Variants in MMD2 observed in about 807,000 individuals in gnomAD.
MMD2 encodes monocyte to macrophage differentiation factor 2.
MMD2 carries 30 observed loss-of-function variants against 33.5 expected under a neutral mutation model. The observed-to-expected ratio is 0.90, with a 90% CI of 0.67 to 1.22. MMD2 has a LOEUF of 1.22. MMD2 is among the 50% of genes most tolerant of loss of function. The probability of loss-of-function intolerance (pLI) is 0.00; values close to 1 mark genes in which losing one functional copy is unlikely to be tolerated. For synonymous variants in MMD2, 129 were observed against 123.0 expected, an observed-to-expected ratio of 1.05 and a Z score of -0.32; for missense variants, 364 against 325.4, an observed-to-expected ratio of 1.12 and a Z score of -0.91.
chr7:4,922,574 A>G (rs1262040118), intron 2 of MMD2, among the ~76,000 whole-genome samples: 1 of 152,094 alleles, frequency 6.6e-6, no homozygotes, highest in African/African-American at 2.4e-5. Context: ...ATTTTAAAAT[A>G]TATATACATT....
intron 1 of MMD2, among the ~76,000 whole-genome samples, chr7:4,951,008 C>T (rs1195996171): frequency 2.0e-5 from 3 of 152,014 alleles, no homozygotes; most frequent in Non-Finnish European, 2.9e-5. Context: ...CCACAGCGCC[C>T]GGCCTAAATT....
At chr7:4,912,851 G>C (rs1157586299) in intron 4 of MMD2, among the ~76,000 whole-genome samples, 4 of 151,878 alleles carry the variant, frequency 2.6e-5, no homozygotes, top group African/African-American at 9.7e-5. Context: ...GATTACAGGC[G>C]TACCACCATG....
intron 1 of MMD2, among the ~76,000 whole-genome samples, chr7:4,955,847 G>C (rs935698080): frequency 6.6e-6 from 1 of 152,178 alleles, no homozygotes; most frequent in Admixed American, 6.5e-5. Context: ...GAGGTCAGGA[G>C]TTCGAGACCA....
chr7:4,911,091 G>A lies in MMD2; in HGVS notation c.467+54C>T, dbSNP rs1784994242. Reference sequence around the variant, plus strand: ...CTCGGCAGCCCAGGAGTGCTGGGGAGGCCAGAGCATCTAAGGGAATCCCGC... The same window carrying A: ...CTCGGCAGCCCAGGAGTGCTGGGGAAGCCAGAGCATCTAAGGGAATCCCGC... On this transcript the variant is annotated intron_variant, in intron 5 of 6. Coordinates refer to ENST00000401401, the MANE Select transcript of MMD2 (RefSeq NM_198403.4). 2.8e-6 allele frequency: 4 copies of A among 1,430,488 alleles called. No homozygotes were observed. The Admixed American group carries it at 7.9e-5, about 28-fold the overall frequency. The allele number at this position is 1,430,488 out of a possible 1,614,324, so 88.6% of individuals were successfully genotyped here.
Position 4,909,950 on chromosome 7 carries a change from C to A in MMD2, c.468G>T (p.Arg156=), listed in dbSNP as rs760061850. Reference sequence around the variant, plus strand: ...AGCAGAGAAGCTCCACAAGCTTGTACCTGGCAGGAAGACAAGCCGTGCCGG... The same window carrying A: ...AGCAGAGAAGCTCCACAAGCTTGTAACTGGCAGGAAGACAAGCCGTGCCGG... ...GTIYVFFFHE[R]YKLVELLCYV... The change falls in exon 6 of 7, where the codon CGG becomes CGT. Residue 156 remains arginine, a splice_region_variant and synonymous_variant. Transcript: ENST00000401401. 1 of 1,613,928 alleles carries A rather than the reference C, an allele frequency of 6.2e-7. No homozygotes were observed. Among genetic ancestry groups the A allele is most frequent in the Non-Finnish European group, 8.5e-7 (1 of 1,179,896 alleles).
At position 4,920,321 on chromosome 7, in the gene MMD2, A is replaced by G; in HGVS notation, c.140T>C (p.Ile47Thr). ...GTTGGAGCTGCCCAGGATGCTGGGG[A>G]TGATCCAGAACTGGAGGGGCAGGGA... Reference protein sequence around the residue: ...ANCATHAFWIIPSILGSSNLY... With the variant: ...ANCATHAFWITPSILGSSNLY... The change falls in exon 3 of 7, where the codon ATC becomes ACC. Residue 47 changes from isoleucine (I) to threonine (T), a missense_variant. Ile to Thr is a moderately conservative substitution (Grantham distance 89, BLOSUM62 -1). Transcript: ENST00000401401. 5 of 1,608,322 alleles carry G rather than the reference A, an allele frequency of 3.1e-6. No individual in the cohort carries two copies. The highest frequency in any genetic ancestry group is 4.2e-6 in the Non-Finnish European group (5 of 1,177,766).
chr7:4,927,147 T>G (rs983256873), intron 1 of MMD2, among the ~76,000 whole-genome samples: 2 of 152,160 alleles, frequency 1.3e-5, no homozygotes, highest in African/African-American at 4.8e-5. Context: ...GGGGATATTA[T>G]GGAGAACTCG....
chr7:4,957,071 C>T (rs1313204265), intron 1 of MMD2, among the ~76,000 whole-genome samples: 3 of 151,360 alleles, frequency 2.0e-5, no homozygotes, highest in Non-Finnish European at 1.5e-5. Flanking sequence ...AAGGCTGAGG[C>T]GGGTGAATCA....
At chr7:4,896,471 C>T in the MMD2 span, among the ~76,000 whole-genome samples, 1 of 152,168 alleles carries the variant, frequency 6.6e-6, no homozygotes, top group African/African-American at 2.4e-5. Context: ...CAGAGCGAGA[C>T]TCTGTCGCAA....
intron 1 of MMD2, among the ~76,000 whole-genome samples, chr7:4,932,840 G>A (rs899692705): frequency 1.3e-5 from 2 of 151,974 alleles, no homozygotes; most frequent in African/African-American, 4.8e-5. Flanking sequence ...GGCCAGGCTG[G>A]TCTTGAACTC....
intron 3 of MMD2, among the ~76,000 whole-genome samples, chr7:4,918,780 G>C (rs796341139): frequency 5.3e-5 from 8 of 151,754 alleles, no homozygotes; most frequent in African/African-American, 1.7e-4. Context: ...GAGACACCTT[G>C]CCTGGCCTGT....
At chr7:4,943,368 C>T (rs539258861) in intron 1 of MMD2, among the ~76,000 whole-genome samples, 2 of 152,210 alleles carry the variant, frequency 1.3e-5, no homozygotes, top group African/African-American at 4.8e-5. Flanking sequence ...TGATCTCGAT[C>T]TCCCGACCTC....
chr7:4,957,420 G>T (rs189525068), intron 1 of MMD2, among the ~76,000 whole-genome samples: 4 of 151,940 alleles, frequency 2.6e-5, no homozygotes, highest in African/African-American at 7.2e-5. Flanking sequence ...AGGCCGAGGC[G>T]GGGGGATCAC....
At chr7:4,957,675 T>C (rs1255687172) in intron 1 of MMD2, among the ~76,000 whole-genome samples, 1 of 149,444 alleles carries the variant, frequency 6.7e-6, no homozygotes, top group East Asian at 1.9e-4. Context: ...GTAAGTCCAG[T>C]CCAGTCACAC....
intron 1 of MMD2, among the ~76,000 whole-genome samples, chr7:4,954,146 T>G (rs938564439): frequency 6.6e-6 from 1 of 152,206 alleles, no homozygotes; most frequent in African/African-American, 2.4e-5. Flanking sequence ...AGGCTTCTTA[T>G]GCACTGGATA....
chr7:4,897,116 C>A, the MMD2 span, among the ~76,000 whole-genome samples: 1 of 151,652 alleles, frequency 6.6e-6, no homozygotes, highest in African/African-American at 2.4e-5. Context: ...TCCTTAGCAC[C>A]CCCAAAGTGC....
At chr7:4,929,709 G>C (rs1179020414) in intron 1 of MMD2, among the ~76,000 whole-genome samples, 1 of 151,914 alleles carries the variant, frequency 6.6e-6, no homozygotes, top group Non-Finnish European at 1.5e-5. Flanking sequence ...ATTTTTGGTA[G>C]AGACAGGTTT....
At position 4,940,967 on chromosome 7, in the gene MMD2, C is replaced by A. The variant is rs1172293593; in HGVS notation, c.48-15435G>T. On this transcript the variant is annotated intron_variant, in intron 1 of 6. Coordinates refer to ENST00000401401, the MANE Select transcript of MMD2 (RefSeq NM_198403.4). This position sits in a 1 kb window ranked among gnomAD's most constrained non-coding sequence, Gnocchi z 5.0. ...TCTTCCCCTATGGGATGAGAAGGGTCCGTATCTCCAAAGCTAGGACCATCT... is the reference window on the plus strand; with the variant it reads ...TCTTCCCCTATGGGATGAGAAGGGTACGTATCTCCAAAGCTAGGACCATCT... 1.3e-5 allele frequency among the ~76,000 whole-genome samples: 2 copies of A among 152,176 alleles called. No homozygotes were observed. The highest frequency in any genetic ancestry group is 2.9e-5 in the Non-Finnish European group (2 of 68,042).
chr7:4,909,316 T>TA (rs929564293), intron 6 of MMD2, among the ~76,000 whole-genome samples: 3 of 140,712 alleles, frequency 2.1e-5, no homozygotes, highest in Admixed American at 1.5e-4. Context: ...ACCCCATCTC[T>TA]AAAAAAAAGA....
Sources: allele counts gnomAD v4.1 joint callset (sites outside exome capture counted in the v4.1 genomes callset), GRCh38; gene constraint gnomAD v4.1.1; non-coding constraint Gnocchi (gnomAD v3.1); transcripts MANE v1.5; gene names NCBI Gene and HGNC (gene_info 2026-07-23, HGNC 2026-07-21).